Variants in RTKN observed in about 807,000 individuals in gnomAD.
RTKN encodes the protein rhotekin.
In RTKN, 49 loss-of-function variants were observed where a neutral mutation model predicts 63.5. The observed-to-expected ratio is 0.77, with a 90% CI of 0.61 to 0.98. The LOEUF (loss-of-function observed/expected upper bound fraction) is 0.98, where lower values mean the gene tolerates loss of function less well. Among genes scored for constraint, RTKN ranks in the 50% least tolerant of loss-of-function variants. RTKN has a pLI of 0.00. For missense variants in RTKN, 685 were observed against 740.8 expected (o/e 0.92, Z 0.87); for synonymous variants, 295 against 290.4 (o/e 1.02, Z -0.16).
chr2:74,428,236 C>A (rs757623818), intron 9 of RTKN, 32 bp downstream of exon 9: 2 of 1,613,936 alleles, frequency 1.2e-6, no homozygotes, highest in African/African-American at 2.7e-5. Flanking sequence ...GGCCTGTGCC[C>A]TTGGTGGCCT....
In RTKN at chr2:74,430,375, GA is replaced by G. The variant is rs1173448012; in HGVS notation, c.428-7del. On this transcript the variant is annotated splice_polypyrimidine_tract_variant and splice_region_variant and intron_variant, in intron 4 of 11. Transcript: ENST00000272430. ...CACAGCCCAGCGGTGCAAGTCTGGG[GA>G]CAAAGGGCAAAACAAAAAACACGTC... 6.2e-7 allele frequency: 1 copy of G among 1,614,062 alleles called. No individual in the cohort carries two copies. The highest frequency in any genetic ancestry group is 8.5e-7 in the Non-Finnish European group (1 of 1,179,902).
In RTKN at chr2:74,433,359, G is replaced by GA. The variant is rs548806508; in HGVS notation, c.112-694dup. 2.9e-3 allele frequency among the ~76,000 whole-genome samples: 438 copies of GA among 151,748 alleles called. 1 individual carries two copies. The highest frequency in any genetic ancestry group is 9.7e-3 in the African/African-American group (401 of 41,404). ...TTCAGCCTCTTTTGAGTGCAATTTG[G>GA]AAAAAAATCTATGAAAACTACAAAT... On this transcript the variant is annotated intron_variant, in intron 1 of 11. Coordinates refer to ENST00000272430, the MANE Select transcript of RTKN (RefSeq NM_001015055.2).
intron 1 of RTKN, among the ~76,000 whole-genome samples, chr2:74,435,592 CTGTT>C (rs1453586047): frequency 6.6e-6 from 1 of 152,160 alleles, no homozygotes; most frequent in Non-Finnish European, 1.5e-5. Context: ...GAAACAGCCT[CTGTT>C]TGCTTCTGGC....
rs758429538 is a variant in RTKN at position 74,441,756 on chromosome 2, C to G, written c.61G>C (p.Glu21Gln). The change falls in exon 1 of 12, where the codon GAG (glutamate) becomes CAG (glutamine). Residue 21 changes from glutamate to glutamine, a missense_variant. Glu to Gln is a conservative substitution (Grantham distance 29). Transcript: ENST00000272430. Reference sequence around the variant, plus strand: ...AGTCGGAAGCGGCCGCGTTTGAACTCCATCTCCAGGGCGGAGCCCCTGGCC... The same window carrying G: ...AGTCGGAAGCGGCCGCGTTTGAACTGCATCTCCAGGGCGGAGCCCCTGGCC... ...TVARGSALEMEFKRGRFRLSL... is the reference protein window; with the variant it reads ...TVARGSALEMQFKRGRFRLSL... 6.2e-7 allele frequency: 1 copy of G among 1,612,294 alleles called. No individual in the cohort carries two copies.
chr2:74,440,030 G>T, intron 1 of RTKN: 1 of 1,038,852 alleles, frequency 9.6e-7, no homozygotes, highest in Non-Finnish European at 1.2e-6. Context: ...CCCAGCCCCC[G>T]CCCACATCCC....
At chr2:74,430,541 T>C (rs370714239) in intron 3 of RTKN, 23 bp from the exon 4 acceptor site, 10 of 1,613,874 alleles carry the variant, frequency 6.2e-6, no homozygotes, top group African/African-American at 4.0e-5. Flanking sequence ...GGGGTAAGAA[T>C]AGATGTTGAG....
Position 74,436,910 on chromosome 2 carries a change from G to A in RTKN, c.112-4244C>T, listed in dbSNP as rs1420973520. On this transcript the variant is annotated intron_variant, in intron 1 of 11. Transcript: ENST00000272430. The surrounding 1 kb of genome is among the most constrained non-coding windows in gnomAD (Gnocchi z 4.3). ...ACCCAAACACACCCTCTCCCCAAGC[G>A]GGCAGCATTTCCCCTGGGAAAGAGC... is the stretch of plus-strand genomic sequence containing the variant. Among the ~76,000 whole-genome samples, 2 of 152,072 alleles carry A rather than the reference G, an allele frequency of 1.3e-5. No individual in the cohort carries two copies. Among genetic ancestry groups the A allele is most frequent in the Non-Finnish European group, 2.9e-5 (2 of 68,004 alleles).
At position 74,432,418 on chromosome 2, in the gene RTKN, C is replaced by CCA. The variant is rs759470179; in HGVS notation, c.311+48_311+49insTG. ...ACACGCACATGCTGCACCACCACCA[C>CCA]CCAGAAGGCCTCCTGCCTCCATCGA... On this transcript the variant is annotated intron_variant, in intron 2 of 11. Coordinates refer to ENST00000272430, the MANE Select transcript of RTKN (RefSeq NM_001015055.2). 5.8e-6 allele frequency: 9 copies of CCA among 1,562,600 alleles called. No individual in the cohort carries two copies. The African/African-American group carries it at 1.2e-4, about 21-fold the overall frequency.
chr2:74,430,511 C>A lies in RTKN; in HGVS notation c.381G>T (p.Arg127=). The change falls in exon 4 of 12, where the codon CGG becomes CGT. Residue 127 remains arginine (R), a synonymous_variant. Coordinates refer to ENST00000272430, the MANE Select transcript of RTKN (RefSeq NM_001015055.2). The part of the protein sequence containing the change: ...CRGRVCISDL[R]IPLMWKDTEY... ...CTGTGTCCTTCCACATGAGTGGAAT[C>A]CGGAGGTCTAAGGGGCAGAGGGGTA... 1 of 1,614,142 alleles carries A rather than the reference C, an allele frequency of 6.2e-7. No individual in the cohort carries two copies. The highest frequency in any genetic ancestry group is 8.5e-7 in the Non-Finnish European group (1 of 1,179,974).
chr2:74,434,026 CATAG>C (rs1182833076), intron 1 of RTKN, among the ~76,000 whole-genome samples: 1 of 151,838 alleles, frequency 6.6e-6, no homozygotes, highest in Non-Finnish European at 1.5e-5. Flanking sequence ...CATATATATA[CATAG>C]ATATAGATAT....
chr2:74,436,026 T>C lies in RTKN; in HGVS notation c.112-3360A>G, dbSNP rs551406630. Among the ~76,000 whole-genome samples, 7 of 152,292 alleles carry C rather than the reference T, an allele frequency of 4.6e-5. No homozygotes were observed. Among genetic ancestry groups the C allele is most frequent in the African/African-American group, 1.7e-4 (7 of 41,534 alleles). On this transcript the variant is annotated intron_variant, in intron 1 of 11. Coordinates refer to ENST00000272430, the MANE Select transcript of RTKN (RefSeq NM_001015055.2). The surrounding 1 kb of genome is among the most constrained non-coding windows in gnomAD (Gnocchi z 4.3). The stretch of plus-strand genomic sequence containing the variant: ...TCAGACTACATAGGTCCTCCCAGTC[T>C]AGTTTTGTCTGCACCAGGGTTCTGC...
At chr2:74,441,161 T>G (rs1462325060) in intron 1 of RTKN, among the ~76,000 whole-genome samples, 1 of 152,174 alleles carries the variant, frequency 6.6e-6, no homozygotes, top group Non-Finnish European at 1.5e-5. Flanking sequence ...AAATTTTGCG[T>G]GTGGGAAGTA....
At chr2:74,433,251 A>AAC (rs1553374216) in intron 1 of RTKN, among the ~76,000 whole-genome samples, 6 of 149,688 alleles carry the variant, frequency 4.0e-5, no homozygotes, top group East Asian at 2.0e-4. Flanking sequence ...TCAAAAAAAA[A>AAC]AAAAACATAT....
At chr2:74,429,266 C>T (rs1670601977) in intron 6 of RTKN, among the ~76,000 whole-genome samples, 1 of 151,914 alleles carries the variant, frequency 6.6e-6, no homozygotes, top group Non-Finnish European at 1.5e-5. Context: ...GAATTTGAAC[C>T]CATATCTATG....
chr2:74,433,143 T>C (rs1287745742), intron 1 of RTKN, among the ~76,000 whole-genome samples: 1 of 150,780 alleles, frequency 6.6e-6, no homozygotes, highest in Admixed American at 6.6e-5. Flanking sequence ...CTTGGGAGGC[T>C]GAGGCAGGAG....
At chr2:74,431,036 C>T in intron 2 of RTKN, 1 of 257,032 alleles carries the variant, frequency 3.9e-6, no homozygotes, top group East Asian at 7.1e-5. Flanking sequence ...CTCCATTAAA[C>T]CCCTGGCTTA....
rs780574127 is a variant in RTKN at position 74,429,848 on chromosome 2, C to G, written c.735G>C (p.Leu245Phe). ...SAGGSGSSPI[L>F]LPTPVVGGPR... ...CTTACCCAACAACTGGGGTGGGGAGCAAGATGGGACTGCTCCCTGAACCCC... is the reference window on the plus strand; with the variant it reads ...CTTACCCAACAACTGGGGTGGGGAGGAAGATGGGACTGCTCCCTGAACCCC... The change falls in exon 6 of 12, where the codon TTG becomes TTC. Residue 245 changes from leucine (L) to phenylalanine (F), a missense_variant. Coordinates refer to ENST00000272430, the MANE Select transcript of RTKN (RefSeq NM_001015055.2). 1 of 1,613,862 alleles carries G rather than the reference C, an allele frequency of 6.2e-7. No individual in the cohort carries two copies. The highest frequency in any genetic ancestry group is 1.1e-5 in the South Asian group (1 of 91,056).
intron 11 of RTKN, 113 bp downstream of exon 11, chr2:74,427,056 G>C: frequency 6.7e-7 from 1 of 1,482,888 alleles, no homozygotes; most frequent in South Asian, 1.4e-5. Context: ...GGTCCCCAGA[G>C]ATCTGGTGTA....
chr2:74,433,118 C>T (rs1428765211), intron 1 of RTKN, among the ~76,000 whole-genome samples: 2 of 151,780 alleles, frequency 1.3e-5, no homozygotes, highest in Non-Finnish European at 2.9e-5. Flanking sequence ...TGGCGGGCGC[C>T]TGTAGTCCCA....
Sources: gnomAD v4.1 joint callset for allele counts (sites outside exome capture counted in the v4.1 genomes callset) on GRCh38, gnomAD v4.1.1 for gene constraint, Gnocchi (gnomAD v3.1) non-coding constraint, MANE v1.5 for transcripts, NCBI Gene and HGNC (gene_info 2026-07-23, HGNC 2026-07-21) for gene names.